FER1L5: variants seen among roughly 807,000 people sequenced by gnomAD.
FER1L5 encodes the protein fer-1 like family member 5.
Under a neutral mutation model 279.9 loss-of-function variants are expected in FER1L5, and 187 were observed. The ratio of observed to expected loss-of-function variants is 0.67; its 90% CI spans 0.59 to 0.75. FER1L5 has a LOEUF of 0.75. Ranked by LOEUF, FER1L5 falls within the 30% of genes least tolerant of loss-of-function variation. The pLI is 0.00. For synonymous variants in FER1L5, 921 were observed against 989.7 expected, an observed-to-expected ratio of 0.93 and a Z score of 1.30; for missense variants, 2,091 against 2,594.4, an observed-to-expected ratio of 0.81 and a Z score of 4.21.
chr2:96,659,354 C>CTTTCTTTCTTTCT (rs1558853488), intron 9 of FER1L5, among the ~76,000 whole-genome samples: 17 of 64,426 alleles, frequency 2.6e-4, no homozygotes, highest in East Asian at 1.9e-3. Flanking sequence ...TCCTTCCTTC[C>CTTTCTTTCTTTCT]TTCCTTCCTT....
intron 17 of FER1L5, 33 bp from the exon 18 acceptor site, chr2:96,670,086 C>A (rs1468311470): frequency 2.6e-6 from 4 of 1,550,682 alleles, no homozygotes; most frequent in Non-Finnish European, 3.5e-6. Flanking sequence ...TTTCTCTCAC[C>A]CCTTTTCTCC....
chr2:96,650,204 C>CG lies in FER1L5; in HGVS notation c.421dup (p.Ala141GlyfsTer35). ...GGAGCTGAAGACCACCTGGGCATAA[C>CG]GGCAAGAGAGGCAGCCAGTCAGAAA... On this transcript the variant is annotated frameshift_variant, in exon 6 of 53. Coordinates refer to ENST00000624922, the MANE Select transcript of FER1L5 (RefSeq NM_001293083.2). LOFTEE classifies it high-confidence loss of function. 6.4e-7 allele frequency: 1 copy of CG among 1,551,726 alleles called. No homozygotes were observed. Among genetic ancestry groups the CG allele is most frequent in the East Asian group, 2.4e-5 (1 of 40,932 alleles).
chr2:96,687,672 C>G (rs2076981134), intron 23 of FER1L5, 144 bp from the exon 24 acceptor site: 3 of 1,299,838 alleles, frequency 2.3e-6, no homozygotes. Flanking sequence ...ATGCCATTCA[C>G]TTACAGCTCC....
At chr2:96,700,804 G>C (rs1383118992) in intron 45 of FER1L5, among the ~76,000 whole-genome samples, 1 of 152,206 alleles carries the variant, frequency 6.6e-6, no homozygotes, top group Non-Finnish European at 1.5e-5. Flanking sequence ...GCTCAGGTCA[G>C]ACAGCGCAGA....
intron 19 of FER1L5, among the ~76,000 whole-genome samples, chr2:96,679,663 G>A (rs1483005814): frequency 6.6e-6 from 1 of 152,202 alleles, no homozygotes; most frequent in African/African-American, 2.4e-5. Context: ...TAGGTTACAT[G>A]TTAAAATACT....
Position 96,693,692 on chromosome 2 carries a change from G to A in FER1L5, c.3474+5G>A, listed in dbSNP as rs1240140882. ...CTGTGGCAGCGTGACTTCTGGGTAA[G>A]TTGGGCTGGGCAGAGCAAGGGGAAG... On this transcript the variant is annotated splice_donor_5th_base_variant and intron_variant, in intron 32 of 52. Transcript: ENST00000624922. 1 of 1,550,738 alleles carries A rather than the reference G, an allele frequency of 6.4e-7. No homozygotes were observed. Among genetic ancestry groups the A allele is most frequent in the Non-Finnish European group, 8.7e-7 (1 of 1,146,392 alleles).
intron 19 of FER1L5, among the ~76,000 whole-genome samples, chr2:96,676,905 G>A (rs910997889): frequency 4.6e-5 from 7 of 151,842 alleles, no homozygotes; most frequent in Admixed American, 2.6e-4. Context: ...CGCCCAGGCC[G>A]GAGTGCGGCG....
In FER1L5 at chr2:96,674,325, C is replaced by T. The variant is rs372740966; in HGVS notation, c.1669+1071C>T. Among the ~76,000 whole-genome samples, 79 of 152,244 alleles carry T rather than the reference C, an allele frequency of 5.2e-4. No homozygotes were observed. The East Asian group carries it at 8.7e-3, about 17-fold the overall frequency. ...GCAACCTCCGCCTCCCGGGTTCAAG[C>T]GATTCTCCTGCCCCAGCCTCCCGAG... On this transcript the variant is annotated intron_variant, in intron 19 of 52. Transcript: ENST00000624922.
intron 19 of FER1L5, among the ~76,000 whole-genome samples, chr2:96,683,049 G>C (rs886625779): frequency 1.3e-5 from 2 of 152,192 alleles, no homozygotes; most frequent in Non-Finnish European, 2.9e-5. Context: ...CACCCAGAGA[G>C]CCACACTGGA....
At chr2:96,680,490 C>G (rs1438593944) in intron 19 of FER1L5, among the ~76,000 whole-genome samples, 1 of 151,820 alleles carries the variant, frequency 6.6e-6, no homozygotes, top group Non-Finnish European at 1.5e-5. Context: ...ATCTTGTCCT[C>G]TCTCTGGGCT....
chr2:96,674,454 C>T (rs1014937345), intron 19 of FER1L5, among the ~76,000 whole-genome samples: 1 of 152,140 alleles, frequency 6.6e-6, no homozygotes, highest in Non-Finnish European at 1.5e-5. Context: ...GATCTCCTGA[C>T]CTCAGGTGAT....
At chr2:96,669,599 G>A (rs1421395269) in intron 17 of FER1L5, among the ~76,000 whole-genome samples, 1 of 152,172 alleles carries the variant, frequency 6.6e-6, no homozygotes, top group Admixed American at 6.5e-5. Context: ...GGCAGGGAAG[G>A]ATGCTGAGGA....
chr2:96,670,361 T>C lies in FER1L5; in HGVS notation c.1491+114T>C, dbSNP rs907780690. ...GAGGCCCTGGCCACTGGCTGTTGAG[T>C]GTGTAAGGATGCCTGATCAATCGGC... On this transcript the variant is annotated intron_variant, in intron 18 of 52. Transcript: ENST00000624922. 6.0e-6 allele frequency: 8 copies of C among 1,326,846 alleles called. No individual in the cohort carries two copies. The African/African-American group carries it at 1.0e-4, about 17-fold the overall frequency. The allele number at this position is 1,326,846 out of a possible 1,614,324, so 82.2% of individuals were successfully genotyped here.
intron 34 of FER1L5, 149 bp from the exon 35 acceptor site, chr2:96,695,359 CT>C (rs2077330245): frequency 9.5e-7 from 1 of 1,053,868 alleles, no homozygotes; most frequent in African/African-American, 1.6e-5. Flanking sequence ...CCTTGTGCGC[CT>C]TCAGACACTG....
At chr2:96,644,434 A>G (rs1460366725) in intron 1 of FER1L5, among the ~76,000 whole-genome samples, 1 of 152,160 alleles carries the variant, frequency 6.6e-6, no homozygotes, top group Non-Finnish European at 1.5e-5. Context: ...ATGAGCCAAG[A>G]TAGCGCCACT....
chr2:96,692,313 C>T, intron 31 of FER1L5, 132 bp downstream of exon 31: 2 of 934,270 alleles, frequency 2.1e-6, no homozygotes, highest in East Asian at 2.6e-5. Flanking sequence ...GGCCCCTCAC[C>T]AGCTGCAAGC....
intron 18 of FER1L5, among the ~76,000 whole-genome samples, chr2:96,670,889 G>A (rs964141071): frequency 6.6e-6 from 1 of 151,900 alleles, no homozygotes; most frequent in African/African-American, 2.4e-5. Flanking sequence ...CAGATCACTT[G>A]GGGTCAGGAG....
At chr2:96,647,282 A>T in intron 3 of FER1L5, 127 bp downstream of exon 3, 1 of 1,033,788 alleles carries the variant, frequency 9.7e-7, no homozygotes, top group Admixed American at 2.5e-5. Context: ...AGCTAAAAAG[A>T]AAAAAGAGGG....
At chr2:96,683,554 G>A (rs941779415) in intron 19 of FER1L5, among the ~76,000 whole-genome samples, 1 of 150,244 alleles carries the variant, frequency 6.7e-6, no homozygotes, top group African/African-American at 2.5e-5. Context: ...TTTGGGACTT[G>A]AGTATGCCTT....
Sources: allele counts gnomAD v4.1 joint callset (sites outside exome capture counted in the v4.1 genomes callset), GRCh38; gene constraint gnomAD v4.1.1; transcripts MANE v1.5; gene names NCBI Gene and HGNC (gene_info 2026-07-23, HGNC 2026-07-21).